Variants in ATP13A1 observed in about 807,000 individuals in gnomAD.
ATP13A1 encodes the protein endoplasmic reticulum transmembrane helix translocase.
In ATP13A1, 55 loss-of-function variants were observed where a neutral mutation model predicts 134.8. The ratio of observed to expected loss-of-function variants is 0.41; its 90% CI spans 0.33 to 0.51. ATP13A1 has a LOEUF of 0.51. Among genes scored for constraint, ATP13A1 ranks in the 20% least tolerant of loss-of-function variants. The probability of loss-of-function intolerance (pLI) is 0.29; values close to 1 mark genes in which losing one functional copy is unlikely to be tolerated. For synonymous variants in ATP13A1, 775 were observed against 725.1 expected, an observed-to-expected ratio of 1.07 and a Z score of -1.10; for missense variants, 1,389 against 1,652.8, an observed-to-expected ratio of 0.84 and a Z score of 2.77.
intron 17 of ATP13A1, chr19:19,651,429 A>G (rs2062023694): frequency 2.7e-6 from 1 of 376,178 alleles, no homozygotes; most frequent in Non-Finnish European, 4.9e-6. Context: ...ATGAGTGCAC[A>G]GGAAACCCGA....
At chr19:19,658,472 G>A (rs2145016397) in intron 3 of ATP13A1, among the ~76,000 whole-genome samples, 1 of 152,264 alleles carries the variant, frequency 6.6e-6, no homozygotes, top group African/African-American at 2.4e-5. Context: ...TTGGGGTAGG[G>A]GAAGTTGCTA....
Position 19,654,628 on chromosome 19 carries a change from C to G in ATP13A1, c.1728G>C (p.Ser576=), listed in dbSNP as rs2288866. The G allele has an allele frequency of 6.2e-7, 1 of 1,613,600 alleles. No individual in the cohort carries two copies. ...GGGTGCCGTCGTCCAGCTGCATGAGCGAGTGGCACGAGGCCAGGGCCCGGT... is the reference window on the plus strand; with the variant it reads ...GGGTGCCGTCGTCCAGCTGCATGAGGGAGTGGCACGAGGCCAGGGCCCGGT... ...ETHRALASCH[S]LMQLDDGTLV... The change falls in exon 13 of 26, where the codon TCG becomes TCC. Residue 576 remains serine (S), a synonymous_variant. Coordinates refer to ENST00000357324, the MANE Select transcript of ATP13A1 (RefSeq NM_020410.3).
At position 19,657,080 on chromosome 19, in the gene ATP13A1, C is replaced by CCAG; in HGVS notation, c.817_819dup (p.Leu273dup). On this transcript the variant is annotated inframe_insertion, in exon 5 of 26. Transcript: ENST00000357324. ...TGCACCAGCGAGGCCTCGAACGCCA[C>CCAG]CAGCATGGATAGCGTAAAGACGCTG... The CCAG allele has an allele frequency of 6.5e-7, 1 of 1,547,642 alleles. No individual in the cohort carries two copies. The highest frequency in any genetic ancestry group is 8.7e-7 in the Non-Finnish European group (1 of 1,146,722).
chr19:19,660,359 G>T (rs955744372), intron 1 of ATP13A1, among the ~76,000 whole-genome samples: 16 of 152,194 alleles, frequency 1.1e-4, no homozygotes, highest in Non-Finnish European at 1.5e-5. Context: ...GTGCACACCT[G>T]TAATACCAGC....
intron 1 of ATP13A1, among the ~76,000 whole-genome samples, chr19:19,661,423 G>A (rs1034194970): frequency 6.6e-6 from 1 of 152,152 alleles, no homozygotes; most frequent in Non-Finnish European, 1.5e-5. Flanking sequence ...TTCTCTGCCC[G>A]GAATACACAG....
At chr19:19,654,512 C>G in intron 13 of ATP13A1, 31 bp downstream of exon 13, 1 of 1,573,376 alleles carries the variant, frequency 6.4e-7, no homozygotes, top group South Asian at 1.2e-5. Context: ...AGTGGCTCCC[C>G]CTTGCTGGGC....
In ATP13A1 at chr19:19,655,978, T is replaced by A; in HGVS notation, c.1214-45A>T. 2 of 1,609,350 alleles carry A rather than the reference T, an allele frequency of 1.2e-6. No homozygotes were observed. Among genetic ancestry groups the A allele is most frequent in the Non-Finnish European group, 1.7e-6 (2 of 1,178,962 alleles). On this transcript the variant is annotated intron_variant, in intron 8 of 25. Transcript: ENST00000357324. This position sits in a 1 kb window ranked among gnomAD's most constrained non-coding sequence, Gnocchi z 5.7. Reference sequence around the variant, plus strand: ...CACCGTCATGCCTGTCTCCTCGTCCTGACTCCCTCATGATCAAGCAGACGG... The same window carrying A: ...CACCGTCATGCCTGTCTCCTCGTCCAGACTCCCTCATGATCAAGCAGACGG...
chr19:19,652,784 G>A, intron 15 of ATP13A1, 64 bp from the exon 16 acceptor site: 1 of 1,537,788 alleles, frequency 6.5e-7, no homozygotes, highest in Non-Finnish European at 8.7e-7. Flanking sequence ...TGCATTTCCT[G>A]AGCTCTGACC....
In ATP13A1 at chr19:19,663,667, C is replaced by T. The variant is rs866456588; in HGVS notation, c.-1G>A. 6.2e-6 allele frequency: 8 copies of T among 1,285,342 alleles called. No individual in the cohort carries two copies. The highest frequency in any genetic ancestry group is 3.1e-5 in the African/African-American group (2 of 64,530). 79.6% of individuals were successfully genotyped at this position (1,285,342 alleles called of 1,614,324 possible). ...TGCCCACCGCCGCCGCTGCCGCCAT[C>T]TTTCCTAGCGCCGCGCTCACTTCCG... is the stretch of plus-strand genomic sequence containing the variant. On this transcript the variant is annotated 5_prime_UTR_variant, in exon 1 of 26. Transcript: ENST00000357324.
Position 19,656,150 on chromosome 19 carries a change from G to A in ATP13A1, c.1117C>T (p.Leu373=). 13 of 1,613,542 alleles carry A rather than the reference G, an allele frequency of 8.1e-6. No homozygotes were observed. Among genetic ancestry groups the A allele is most frequent in the Non-Finnish European group, 1.1e-5 (13 of 1,179,664 alleles). ...AGCCGGGAATCAGCCTGGAGGTCCAGCACCCGGTCTGGGCTGAGGTCTTCG... is the reference window on the plus strand; with the variant it reads ...AGCCGGGAATCAGCCTGGAGGTCCAACACCCGGTCTGGGCTGAGGTCTTCG... ...PIEDLSPDRV[L]DLQADSRLHV... is the part of the protein sequence containing the mutation. Residue 373 remains leucine, a synonymous_variant, in exon 8 of 26, where the codon CTG becomes TTG. Coordinates refer to ENST00000357324, the MANE Select transcript of ATP13A1 (RefSeq NM_020410.3). The surrounding 1 kb of genome is among the most constrained non-coding windows in gnomAD (Gnocchi z 4.6).
chr19:19,655,829 G>T lies in ATP13A1; in HGVS notation c.1269+49C>A. Reference sequence around the variant, plus strand: ...TGGGGTCGGAAAGGGCTGATACCTTGGCTGTCCAACTGCCCTGGGGCCCGC... The same window carrying T: ...TGGGGTCGGAAAGGGCTGATACCTTTGCTGTCCAACTGCCCTGGGGCCCGC... On this transcript the variant is annotated intron_variant, in intron 9 of 25. Coordinates refer to ENST00000357324, the MANE Select transcript of ATP13A1 (RefSeq NM_020410.3). The surrounding 1 kb of genome is among the most constrained non-coding windows in gnomAD (Gnocchi z 5.7). 1 of 1,547,982 alleles carries T rather than the reference G, an allele frequency of 6.5e-7. No homozygotes were observed. The highest frequency in any genetic ancestry group is 8.7e-7 in the Non-Finnish European group (1 of 1,151,316).
rs1428268430 is a variant in ATP13A1, at chr19:19,656,053, C to T, written c.1213+1G>A. On this transcript the variant is annotated splice_donor_variant, in intron 8 of 25. Transcript: ENST00000357324. LOFTEE classifies it high-confidence loss of function. The surrounding 1 kb of genome is among the most constrained non-coding windows in gnomAD (Gnocchi z 4.6). The stretch of plus-strand genomic sequence containing the variant: ...CCCCCAGACGCCCATGAGGCACCTA[C>T]GCTTCAGGCCCGTGGTGGCTTTCTG... 4 of 1,613,220 alleles carry T rather than the reference C, an allele frequency of 2.5e-6. No individual in the cohort carries two copies. Among genetic ancestry groups the T allele is most frequent in the Non-Finnish European group, 3.4e-6 (4 of 1,179,542 alleles).
In ATP13A1 at chr19:19,646,959, G is replaced by A. The variant is rs892319053; in HGVS notation, c.3105+170C>T. The A allele has an allele frequency of 9.7e-6, 7 of 722,284 alleles. No individual in the cohort carries two copies. In the African/African-American group the frequency reaches 1.1e-4, roughly 11 times the overall value. 44.7% of individuals were successfully genotyped at this position (722,284 alleles called of 1,614,324 possible). ...AGCTGTACCACCTGGAGGGGTCTGG[G>A]AGCCTCAGTCCACACCTGCCCTGCC... On this transcript the variant is annotated intron_variant, in intron 22 of 25. Transcript: ENST00000357324.
intron 22 of ATP13A1, chr19:19,646,865 G>T: frequency 1.9e-6 from 1 of 527,430 alleles, no homozygotes. Flanking sequence ...CTTGATGATT[G>T]TTCCTTGCTT....
At chr19:19,649,443 T>A in intron 19 of ATP13A1, 124 bp downstream of exon 19, 1 of 1,019,750 alleles carries the variant, frequency 9.8e-7, no homozygotes, top group Non-Finnish European at 1.5e-6. Flanking sequence ...TGCCACCCCC[T>A]CCCATCCTCA....
In ATP13A1 at chr19:19,656,566, G is replaced by A; in HGVS notation, c.1083+94C>T. On this transcript the variant is annotated intron_variant, in intron 7 of 25. Transcript: ENST00000357324. The surrounding 1 kb of genome is among the most constrained non-coding windows in gnomAD (Gnocchi z 4.6). ...TGTGCCCACACTGCCTCCTCCGCCT[G>A]TGCCTGAGGGGGATCCCCGCCACCC... is the stretch of plus-strand genomic sequence containing the variant. 7.6e-7 allele frequency: 1 copy of A among 1,315,888 alleles called. No individual in the cohort carries two copies. Among genetic ancestry groups the A allele is most frequent in the Non-Finnish European group, 1.1e-6 (1 of 945,950 alleles). 81.5% of individuals were successfully genotyped at this position (1,315,888 alleles called of 1,614,324 possible).
In ATP13A1 at chr19:19,657,036, CAT is replaced by C; in HGVS notation, c.862_863del (p.Met288ValfsTer27). On this transcript the variant is annotated frameshift_variant, in exon 5 of 26. Coordinates refer to ENST00000357324, the MANE Select transcript of ATP13A1 (RefSeq NM_020410.3). LOFTEE classifies it high-confidence loss of function. ...TGTTGCCCATCTTCCGGATCTCCGA[CAT>C]GTTCCGCATCTGCTGCTGCACCAGC... is the stretch of plus-strand genomic sequence containing the variant. The part of the protein sequence containing the change: ...ASLVQQQMRN[M>X]SEIRKMGNKP... 1 of 1,572,748 alleles carries C rather than the reference CAT, an allele frequency of 6.4e-7. No homozygotes were observed. The highest frequency in any genetic ancestry group is 8.6e-7 in the Non-Finnish European group (1 of 1,159,084).
chr19:19,656,534 G>A lies in ATP13A1; in HGVS notation c.1083+126C>T, dbSNP rs1224535503. ...ACCACCCGGCTCCCCAGTCCACAGA[G>A]CTCATCTGTGCCCACACTGCCTCCT... On this transcript the variant is annotated intron_variant, in intron 7 of 25. Coordinates refer to ENST00000357324, the MANE Select transcript of ATP13A1 (RefSeq NM_020410.3). This position sits in a 1 kb window ranked among gnomAD's most constrained non-coding sequence, Gnocchi z 4.6. 1 of 1,044,912 alleles carries A rather than the reference G, an allele frequency of 9.6e-7. No homozygotes were observed. Among genetic ancestry groups the A allele is most frequent in the Admixed American group, 2.2e-5 (1 of 46,446 alleles). 64.7% of individuals were successfully genotyped at this position (1,044,912 alleles called of 1,614,324 possible). A position where few individuals can be genotyped will look rare whatever the true frequency, so the allele number is the denominator to read the frequency against.
intron 17 of ATP13A1, 86 bp from the exon 18 acceptor site, chr19:19,650,026 C>G: frequency 7.9e-7 from 1 of 1,262,242 alleles, no homozygotes; most frequent in Non-Finnish European, 1.1e-6. Context: ...CCAGCACCAG[C>G]CAGTCTCTCC....
Sources: gnomAD v4.1 joint callset for allele counts (sites outside exome capture counted in the v4.1 genomes callset) on GRCh38, gnomAD v4.1.1 for gene constraint, Gnocchi (gnomAD v3.1) non-coding constraint, MANE v1.5 for transcripts, NCBI Gene and HGNC (gene_info 2026-07-23, HGNC 2026-07-21) for gene names.